ZNF804A: variants seen among roughly 807,000 people sequenced by gnomAD.
The protein encoded by ZNF804A is zinc finger protein 804A.
In ZNF804A, 2 loss-of-function variants were observed where a neutral mutation model predicts 16.5. The observed-to-expected ratio is 0.12, with a 90% CI of 0.05 to 0.38. The LOEUF is 0.38. Among genes scored for constraint, ZNF804A ranks in the 10% least tolerant of loss-of-function variants. The probability of loss-of-function intolerance (pLI) is 0.99; values close to 1 mark genes in which losing one functional copy is unlikely to be tolerated. For missense variants in ZNF804A, 1,473 were observed against 1,390.7 expected (o/e 1.06, Z -0.94); for synonymous variants, 534 against 489.6 (o/e 1.09, Z -1.20).
intron 1 of ZNF804A, among the ~76,000 whole-genome samples, chr2:184,673,779 A>G (rs921110363): frequency 2.0e-5 from 3 of 152,204 alleles, no homozygotes; most frequent in Non-Finnish European, 2.9e-5. Context: ...TAGCACCACA[A>G]TTTGTAGGAA....
chr2:184,788,078 C>A (rs1694477682), intron 1 of ZNF804A, among the ~76,000 whole-genome samples: 1 of 151,894 alleles, frequency 6.6e-6, no homozygotes, highest in Non-Finnish European at 1.5e-5. Flanking sequence ...TTTCCCAACA[C>A]CATTTATTGA....
In ZNF804A at chr2:184,938,227, A is replaced by T; in HGVS notation, c.2831A>T (p.Asn944Ile). 1 of 1,614,084 alleles carries T rather than the reference A, an allele frequency of 6.2e-7. No homozygotes were observed. Among genetic ancestry groups the T allele is most frequent in the Non-Finnish European group, 8.5e-7 (1 of 1,180,008 alleles). ...LEHKERSENI[N>I]LNEKQIPFQV... ...CACAAAGAAAGAAGTGAGAATATAA[A>T]TCTTAATGAAAAGCAAATTCCTTTT... The change falls in exon 4 of 4, where the codon AAT becomes ATT. Residue 944 changes from asparagine (N) to isoleucine (I), a missense_variant. Transcript: ENST00000302277.
chr2:184,895,400 G>C (rs966540191), intron 2 of ZNF804A, among the ~76,000 whole-genome samples: 1 of 152,184 alleles, frequency 6.6e-6, no homozygotes, highest in Non-Finnish European at 1.5e-5. Flanking sequence ...TTATTGTTAT[G>C]AACAAAGTCA....
At chr2:184,900,235 G>A (rs1237921858) in intron 2 of ZNF804A, among the ~76,000 whole-genome samples, 1 of 152,036 alleles carries the variant, frequency 6.6e-6, no homozygotes, top group African/African-American at 2.4e-5. Flanking sequence ...ATCTCTGGTG[G>A]AAGATATTAG....
At chr2:184,834,625 A>G (rs995377026) in intron 1 of ZNF804A, among the ~76,000 whole-genome samples, 5 of 152,098 alleles carry the variant, frequency 3.3e-5, no homozygotes, top group African/African-American at 1.2e-4. Context: ...CCAACATGCA[A>G]CAAAGGAGGG....
intron 1 of ZNF804A, among the ~76,000 whole-genome samples, chr2:184,633,568 T>C (rs926193185): frequency 2.0e-5 from 3 of 152,204 alleles, no homozygotes; most frequent in African/African-American, 7.2e-5. Flanking sequence ...ATGTTGATTA[T>C]TCTTCAAATT....
intron 1 of ZNF804A, among the ~76,000 whole-genome samples, chr2:184,830,666 T>A (rs961028581): frequency 6.6e-6 from 1 of 152,148 alleles, no homozygotes; most frequent in African/African-American, 2.4e-5. Context: ...GGGAATTGGA[T>A]TTAAAAAGAA....
intron 1 of ZNF804A, among the ~76,000 whole-genome samples, chr2:184,709,383 A>G (rs1693086784): frequency 6.6e-6 from 1 of 152,130 alleles, no homozygotes; most frequent in African/African-American, 2.4e-5. Context: ...ATACTTTAAT[A>G]TAGAAAATTA....
intron 1 of ZNF804A, among the ~76,000 whole-genome samples, chr2:184,835,686 G>T (rs193223716): frequency 7.3e-5 from 11 of 149,708 alleles, no homozygotes; most frequent in Non-Finnish European, 1.5e-4. Context: ...ACAGAAAAAA[G>T]ATGAAAAAGA....
intron 1 of ZNF804A, among the ~76,000 whole-genome samples, chr2:184,778,909 A>G (rs1694332236): frequency 1.3e-5 from 2 of 151,744 alleles, no homozygotes; most frequent in Non-Finnish European, 2.9e-5. Flanking sequence ...AATGAGTTAA[A>G]TTTTCTATAT....
intron 1 of ZNF804A, among the ~76,000 whole-genome samples, chr2:184,627,358 T>A (rs1430559583): frequency 6.6e-6 from 1 of 152,166 alleles, no homozygotes; most frequent in Non-Finnish European, 1.5e-5. Flanking sequence ...TGAATTTATA[T>A]TTCATGTTAA....
chr2:184,905,176 G>A (rs1452639242), intron 2 of ZNF804A, among the ~76,000 whole-genome samples: 1 of 151,982 alleles, frequency 6.6e-6, no homozygotes, highest in Non-Finnish European at 1.5e-5. Flanking sequence ...ATAAAAAAAG[G>A]AGTGTAATCC....
intron 1 of ZNF804A, among the ~76,000 whole-genome samples, chr2:184,717,465 A>G (rs965909024): frequency 5.9e-5 from 9 of 152,254 alleles, no homozygotes; most frequent in Admixed American, 3.3e-4. Context: ...AATTCTTCAC[A>G]GTAAATGTCC....
chr2:184,762,169 G>T, intron 1 of ZNF804A, among the ~76,000 whole-genome samples: 1 of 147,900 alleles, frequency 6.8e-6, no homozygotes. Flanking sequence ...TCTCTGTTTT[G>T]GATAGCCCTA....
At position 184,820,767 on chromosome 2, in the gene ZNF804A, C is replaced by A. The variant is rs184813281; in HGVS notation, c.112-45602C>A. On this transcript the variant is annotated intron_variant, in intron 1 of 3. Coordinates refer to ENST00000302277, the MANE Select transcript of ZNF804A (RefSeq NM_194250.2). ...CAAAAATCTCTGGCATTCTTATACACAACAACAGGCAAGTAGGGAACCAAA... is the reference window on the plus strand; with the variant it reads ...CAAAAATCTCTGGCATTCTTATACAAAACAACAGGCAAGTAGGGAACCAAA... Among the ~76,000 whole-genome samples the A allele has an allele frequency of 1.1e-3, 166 of 152,024 alleles. 2 individuals carry two copies. Among genetic ancestry groups the A allele is most frequent in the African/African-American group, 3.8e-3 (158 of 41,496 alleles).
chr2:184,677,155 C>T (rs779288788), intron 1 of ZNF804A, among the ~76,000 whole-genome samples: 47 of 151,982 alleles, frequency 3.1e-4, no homozygotes, highest in Middle Eastern at 6.8e-3. Flanking sequence ...AATCAATGTG[C>T]TTAAACTGTA....
chr2:184,819,529 C>T (rs1695037281), intron 1 of ZNF804A, among the ~76,000 whole-genome samples: 2 of 151,614 alleles, frequency 1.3e-5, no homozygotes, highest in Admixed American at 1.3e-4. Context: ...CAAGAGAAAA[C>T]AAACCCAAAA....
intron 1 of ZNF804A, among the ~76,000 whole-genome samples, chr2:184,664,856 A>C (rs1353715118): frequency 6.6e-6 from 1 of 152,170 alleles, no homozygotes; most frequent in African/African-American, 2.4e-5. Context: ...GACTGTAATT[A>C]TGTGTTTTCT....
At position 184,938,035 on chromosome 2, in the gene ZNF804A, C is replaced by A; in HGVS notation, c.2639C>A (p.Ser880Tyr). The A allele has an allele frequency of 2.5e-6, 4 of 1,614,034 alleles. No individual in the cohort carries two copies. The highest frequency in any genetic ancestry group is 3.4e-6 in the Non-Finnish European group (4 of 1,180,008). ...ACAAACCAATTAAGAAACAAACTGTCTTTCCACCCTAACAATCTCCTTCCT... is the reference window on the plus strand; with the variant it reads ...ACAAACCAATTAAGAAACAAACTGTATTTCCACCCTAACAATCTCCTTCCT... Reference protein sequence around the residue: ...EQTNQLRNKLSFHPNNLLPSE... With the variant: ...EQTNQLRNKLYFHPNNLLPSE... The change falls in exon 4 of 4, where the codon TCT becomes TAT. Residue 880 changes from serine (S) to tyrosine (Y), a missense_variant. Transcript: ENST00000302277.
Sources: allele counts gnomAD v4.1 joint callset (sites outside exome capture counted in the v4.1 genomes callset), GRCh38; gene constraint gnomAD v4.1.1; transcripts MANE v1.5; gene names NCBI Gene and HGNC (gene_info 2026-07-23, HGNC 2026-07-21).